GPATCH8: variants seen among roughly 807,000 people sequenced by gnomAD.
The protein encoded by GPATCH8 is G patch domain-containing protein 8.
GPATCH8 carries 18 observed loss-of-function variants against 118.3 expected under a neutral mutation model. That is an observed-to-expected ratio of 0.15 (90% CI 0.11 to 0.23). GPATCH8 has a LOEUF of 0.23. GPATCH8 is among the 10% of genes least tolerant of loss of function. The pLI is 1.00. For missense variants in GPATCH8, 1,631 were observed against 1,873.8 expected (o/e 0.87, Z 2.39); for synonymous variants, 659 against 684.7 (o/e 0.96, Z 0.59).
At position 44,400,877 on chromosome 17, in the gene GPATCH8, T is replaced by C. The variant is rs371018381; in HGVS notation, c.1200A>G (p.Ala400=). The change falls in exon 8 of 8, where the codon GCA becomes GCG. Residue 400 remains alanine (A), a synonymous_variant. Coordinates refer to ENST00000591680, the MANE Select transcript of GPATCH8 (RefSeq NM_001002909.4). The part of the protein sequence containing the change: ...EPEYYHYIPP[A]HCKVKPNFPF... The stretch of plus-strand genomic sequence containing the variant: ...GAAAATTAGGTTTTACTTTGCAGTG[T>C]GCTGGGGGGATGTAGTGGTAATACT... The C allele has an allele frequency of 1.2e-6, 2 of 1,613,998 alleles. No individual in the cohort carries two copies. Among genetic ancestry groups the C allele is most frequent in the African/African-American group, 2.7e-5 (2 of 75,060 alleles).
At chr17:44,423,570 C>A (rs1311098686) in intron 6 of GPATCH8, among the ~76,000 whole-genome samples, 1 of 152,136 alleles carries the variant, frequency 6.6e-6, no homozygotes, top group African/African-American at 2.4e-5. Flanking sequence ...AACTATTGTA[C>A]CCCCCAAAAA....
rs575148708 is a variant in GPATCH8, at chr17:44,497,699, G to C, written c.45+5627C>G. 5.6e-4 allele frequency among the ~76,000 whole-genome samples: 83 copies of C among 148,444 alleles called. 1 individual carries two copies. The highest frequency in any genetic ancestry group is 1.4e-3 in the East Asian group (7 of 4,894). On this transcript the variant is annotated intron_variant, in intron 1 of 7. Transcript: ENST00000591680. ...GCATGCCTGTAATCCCAGCACTTTG[G>C]GGGGCTGAGGTGGGAGGATCGCTTG...
intron 7 of GPATCH8, among the ~76,000 whole-genome samples, chr17:44,402,022 A>T (rs2049042599): frequency 8.4e-6 from 1 of 118,482 alleles, no homozygotes; most frequent in Non-Finnish European, 2.0e-5. Flanking sequence ...TAAAAAAAAA[A>T]ATAAAAAATA....
chr17:44,424,282 T>C, intron 6 of GPATCH8, 67 bp downstream of exon 6: 1 of 1,093,506 alleles, frequency 9.1e-7, no homozygotes, highest in South Asian at 1.2e-5. Flanking sequence ...GGGGGTATAC[T>C]CATAAAATCC....
At chr17:44,422,705 C>T (rs2049953837) in intron 6 of GPATCH8, among the ~76,000 whole-genome samples, 1 of 151,358 alleles carries the variant, frequency 6.6e-6, no homozygotes, top group Non-Finnish European at 1.5e-5. Context: ...GTCTTGATCT[C>T]CTGACCTCGT....
intron 1 of GPATCH8, among the ~76,000 whole-genome samples, chr17:44,502,772 T>A (rs768677667): frequency 6.6e-6 from 1 of 152,206 alleles, no homozygotes; most frequent in African/African-American, 2.4e-5. Flanking sequence ...AATCTCAATG[T>A]ATGACTAACC....
intron 3 of GPATCH8, among the ~76,000 whole-genome samples, chr17:44,449,270 T>G (rs1297021875): frequency 6.6e-6 from 1 of 152,148 alleles, no homozygotes; most frequent in African/African-American, 2.4e-5. Context: ...ATAGCGAAAC[T>G]GTCTCCAAAA....
At chr17:44,469,660 T>A (rs567971226) in intron 2 of GPATCH8, among the ~76,000 whole-genome samples, 1 of 152,312 alleles carries the variant, frequency 6.6e-6, no homozygotes, top group South Asian at 2.1e-4. Flanking sequence ...GCTGATTGTG[T>A]ATTAAAGACT....
intron 5 of GPATCH8, among the ~76,000 whole-genome samples, chr17:44,426,078 A>G (rs1014860922): frequency 6.6e-6 from 1 of 152,220 alleles, no homozygotes; most frequent in Non-Finnish European, 1.5e-5. Context: ...AAGCTAAGCA[A>G]TATCAAAAAA....
At chr17:44,442,462 C>A (rs928270521) in intron 3 of GPATCH8, among the ~76,000 whole-genome samples, 1 of 152,058 alleles carries the variant, frequency 6.6e-6, no homozygotes, top group Non-Finnish European at 1.5e-5. Context: ...ATCAAAAAGT[C>A]ACAAAATCCA....
At chr17:44,491,099 T>C (rs1160873617) in intron 1 of GPATCH8, among the ~76,000 whole-genome samples, 2 of 152,148 alleles carry the variant, frequency 1.3e-5, no homozygotes, top group African/African-American at 4.8e-5. Context: ...AAGTCAAAGA[T>C]CACAATCAAG....
In GPATCH8 at chr17:44,396,903, G is replaced by A. The variant is rs1376878743; in HGVS notation, c.*665C>T. 2.2e-6 allele frequency: 1 copy of A among 454,134 alleles called. No homozygotes were observed. The allele number at this position is 454,134 out of a possible 1,614,324, so 28.1% of individuals were successfully genotyped here. On this transcript the variant is annotated 3_prime_UTR_variant, in exon 8 of 8. Transcript: ENST00000591680. ...ATTCATGATAGGATCTTCTTTTCTG[G>A]GATATGGAGATGCCTCTTCTGGGAT...
intron 3 of GPATCH8, among the ~76,000 whole-genome samples, chr17:44,449,330 G>A (rs1232346208): frequency 1.3e-5 from 2 of 152,050 alleles, no homozygotes; most frequent in African/African-American, 4.8e-5. Context: ...CCCCAGACCT[G>A]CTGATTTATG....
intron 1 of GPATCH8, among the ~76,000 whole-genome samples, chr17:44,488,159 G>A (rs1276640579): frequency 2.7e-5 from 4 of 148,842 alleles, no homozygotes; most frequent in African/African-American, 7.4e-5. Flanking sequence ...TCCTGACCTC[G>A]TGATCCACCT....
At chr17:44,472,351 T>C (rs532574684) in intron 2 of GPATCH8, among the ~76,000 whole-genome samples, 3 of 152,350 alleles carry the variant, frequency 2.0e-5, no homozygotes, top group African/African-American at 7.2e-5. Flanking sequence ...GTTCTCGCTA[T>C]ATGTGGCAGA....
chr17:44,482,696 TAAAGTA>T (rs1968368878), intron 1 of GPATCH8, among the ~76,000 whole-genome samples: 1 of 151,698 alleles, frequency 6.6e-6, no homozygotes, highest in Non-Finnish European at 1.5e-5. Flanking sequence ...TCCCAGAACT[TAAAGTA>T]AAATTAAAAA....
At position 44,401,028 on chromosome 17, in the gene GPATCH8, T is replaced by A. The variant is rs768591012; in HGVS notation, c.1049A>T (p.Asp350Val). Reference protein sequence around the residue: ...DQGLQKVGDSDGSSNLDGKKE... With the variant: ...DQGLQKVGDSVGSSNLDGKKE... ...TTTACCATCAAGATTACTGCTCCCA[T>A]CAGAGTCTCCTACCTTCTGCAGTCC... The change falls in exon 8 of 8, where the codon GAT (aspartate) becomes GTT (valine). Residue 350 changes from aspartate to valine, a missense_variant. Physicochemically the swap from Asp to Val is radical, Grantham distance 152 (BLOSUM62 -3). Around this residue, in one of 8 missense-constraint regions of GPATCH8, gnomAD observed 405 missense variants for 462.7 expected, o/e 0.88. Coordinates refer to ENST00000591680, the MANE Select transcript of GPATCH8 (RefSeq NM_001002909.4). The A allele has an allele frequency of 1.8e-5, 29 of 1,614,124 alleles. No homozygotes were observed. The highest frequency in any genetic ancestry group is 2.5e-5 in the Non-Finnish European group (29 of 1,179,958).
chr17:44,458,173 C>T lies in GPATCH8; in HGVS notation c.193+6299G>A, dbSNP rs2051408455. On this transcript the variant is annotated intron_variant, in intron 3 of 7. Coordinates refer to ENST00000591680, the MANE Select transcript of GPATCH8 (RefSeq NM_001002909.4). ...GTCTAAGGCAGGAGGATCACTTGAG[C>T]CCAGGAGATCAAGGCTGCAGTGAGC... Among the ~76,000 whole-genome samples the T allele has an allele frequency of 2.0e-5, 3 of 151,186 alleles. No homozygotes were observed. The South Asian group carries it at 6.3e-4, about 32-fold the overall frequency.
At chr17:44,430,706 G>A (rs959689368) in intron 5 of GPATCH8, among the ~76,000 whole-genome samples, 8 of 151,618 alleles carry the variant, frequency 5.3e-5, no homozygotes, top group Non-Finnish European at 7.4e-5. Flanking sequence ...GCAGTGGTGC[G>A]ATCTTGGCTC....
Sources: allele counts gnomAD v4.1 joint callset (sites outside exome capture counted in the v4.1 genomes callset), GRCh38; gene constraint gnomAD v4.1.1; regional missense constraint gnomAD v4.1.1; transcripts MANE v1.5; gene names NCBI Gene and HGNC (gene_info 2026-07-23, HGNC 2026-07-21).